The following ABCA3 variants were observed in gnomAD, a reference collection of about 807,000 sequenced individuals.
ABCA3 encodes the protein ATP binding cassette subfamily A member 3, also known as phospholipid-transporting ATPase ABCA3.
Under a neutral mutation model 172.8 loss-of-function variants are expected in ABCA3, and 88 were observed. The observed-to-expected ratio is 0.51, with a 90% CI of 0.43 to 0.61. The LOEUF (loss-of-function observed/expected upper bound fraction) is 0.61, where lower values mean the gene tolerates loss of function less well. ABCA3 is among the 20% of genes least tolerant of loss of function. The pLI, the probability that ABCA3 is intolerant of heterozygous loss-of-function variation, is 0.00. For missense variants in ABCA3, 2,164 were observed against 2,301.0 expected (o/e 0.94, Z 1.22); for synonymous variants, 1,066 against 983.8 (o/e 1.08, Z -1.56).
At chr16:2,308,702 C>A (rs1180314139) in intron 10 of ABCA3, 79 bp from the exon 11 acceptor site, 14 of 1,557,522 alleles carry the variant, frequency 9.0e-6, no homozygotes, top group Non-Finnish European at 9.6e-6. Flanking sequence ...GTACAGGCAA[C>A]CCCCTACTCC....
intron 17 of ABCA3, among the ~76,000 whole-genome samples, chr16:2,296,048 C>A (rs1195553047): frequency 6.6e-6 from 1 of 152,114 alleles, no homozygotes; most frequent in Non-Finnish European, 1.5e-5. Flanking sequence ...TCAGCAGCGA[C>A]GGACCACGTG....
chr16:2,312,827 C>T (rs997121073), intron 10 of ABCA3, among the ~76,000 whole-genome samples: 8 of 151,722 alleles, frequency 5.3e-5, no homozygotes, highest in African/African-American at 1.7e-4. Flanking sequence ...CCACCATGCC[C>T]GGCCGAAATT....
intron 11 of ABCA3, among the ~76,000 whole-genome samples, chr16:2,306,740 A>G (rs1035827251): frequency 2.0e-5 from 3 of 152,094 alleles, no homozygotes; most frequent in Admixed American, 2.0e-4. Flanking sequence ...TAAGAAAAAA[A>G]GTGGGCGGCT....
In ABCA3 at chr16:2,283,203, G is replaced by A. The variant is rs760219290; in HGVS notation, c.4018C>T (p.Arg1340Trp). The change falls in exon 26 of 33, where the codon CGG (arginine) becomes TGG (tryptophan). Residue 1340 changes from arginine to tryptophan, a missense_variant. Coordinates refer to ENST00000301732, the MANE Select transcript of ABCA3 (RefSeq NM_001089.3). This position sits in a 1 kb window ranked among gnomAD's most constrained non-coding sequence, Gnocchi z 5.4. ...QRLRGILCALRRRRTLTELYT... is the reference protein window; with the variant it reads ...QRLRGILCALWRRRTLTELYT... ...CCACTCACCAGTGTCCGCCTCCTCCGGAGGGCGCAGAGGATGCCCCTGAGT... is the reference window on the plus strand; with the variant it reads ...CCACTCACCAGTGTCCGCCTCCTCCAGAGGGCGCAGAGGATGCCCCTGAGT... 16 of 1,613,092 alleles carry A rather than the reference G, an allele frequency of 9.9e-6. No individual in the cohort carries two copies. The highest frequency in any genetic ancestry group is 6.7e-5 in the African/African-American group (5 of 74,902).
chr16:2,281,980 G>C lies in ABCA3; in HGVS notation c.4036-471C>G, dbSNP rs2093655916. On this transcript the variant is annotated intron_variant, in intron 26 of 32. Coordinates refer to ENST00000301732, the MANE Select transcript of ABCA3 (RefSeq NM_001089.3). The surrounding 1 kb of genome is among the most constrained non-coding windows in gnomAD (Gnocchi z 4.7). The stretch of plus-strand genomic sequence containing the variant: ...AATTTTTGTATTTTTAGTAGAGACG[G>C]AGTTTCACTGTGTTGGCCAGGCTGG... Among the ~76,000 whole-genome samples, 1 of 152,136 alleles carries C rather than the reference G, an allele frequency of 6.6e-6. No individual in the cohort carries two copies. The highest frequency in any genetic ancestry group is 2.4e-5 in the African/African-American group (1 of 41,430).
intron 15 of ABCA3, 51 bp downstream of exon 15, chr16:2,298,335 C>T: frequency 6.2e-7 from 1 of 1,611,726 alleles, no homozygotes; most frequent in Admixed American, 1.7e-5. Flanking sequence ...GCCCCAGAAA[C>T]TCGAGCACAT....
At chr16:2,315,157 A>C (rs2093713039) in intron 10 of ABCA3, among the ~76,000 whole-genome samples, 1 of 151,200 alleles carries the variant, frequency 6.6e-6, no homozygotes, top group Admixed American at 6.6e-5. Flanking sequence ...TGCTGGGATT[A>C]CAGGCGTGAG....
At chr16:2,326,295 C>T (rs2093734293) in intron 4 of ABCA3, 21 bp from the exon 5 acceptor site, 3 of 1,611,938 alleles carry the variant, frequency 1.9e-6, no homozygotes, top group Admixed American at 1.7e-5. Flanking sequence ...TACAATAGGG[C>T]ACGGTGATGG....
chr16:2,276,387 G>A lies in ABCA3; in HGVS notation c.*287C>T. 1.8e-6 allele frequency: 1 copy of A among 564,464 alleles called. No homozygotes were observed. The highest frequency in any genetic ancestry group is 2.7e-4 in the Middle Eastern group (1 of 3,678). The allele number at this position is 564,464 out of a possible 1,614,324, so 35.0% of individuals were successfully genotyped here. On this transcript the variant is annotated 3_prime_UTR_variant, in exon 33 of 33. Transcript: ENST00000301732. ...CTCAGCTGCAGCCCTTCCTGGGTCA[G>A]CTCTCCACCCAGAGACCCCGGAGCT...
chr16:2,339,594 G>C (rs1476588277), intron 1 of ABCA3, among the ~76,000 whole-genome samples: 3 of 152,214 alleles, frequency 2.0e-5, no homozygotes, highest in African/African-American at 7.2e-5. Context: ...GGAGAAGAGT[G>C]AACCTCTCCC....
Position 2,286,951 on chromosome 16 carries a change from G to C in ABCA3, c.3021C>G (p.Phe1007Leu). ...CCTCCACAGAAGCCCTGAAGATCAA[G>C]AACTCCTCCAGGTCACCTGGGGAGC... ...PREVLGDLEE[F>L]LIFRASVEGG... The change falls in exon 22 of 33, where the codon TTC (phenylalanine) becomes TTG (leucine). Residue 1007 changes from phenylalanine to leucine, a missense_variant. Transcript: ENST00000301732. The surrounding 1 kb of genome is among the most constrained non-coding windows in gnomAD (Gnocchi z 5.2). 6.2e-7 allele frequency: 1 copy of C among 1,613,542 alleles called. No individual in the cohort carries two copies. Among genetic ancestry groups the C allele is most frequent in the Non-Finnish European group, 8.5e-7 (1 of 1,179,906 alleles).
At chr16:2,308,027 G>C (rs951477957) in intron 11 of ABCA3, among the ~76,000 whole-genome samples, 3 of 152,178 alleles carry the variant, frequency 2.0e-5, no homozygotes, top group African/African-American at 7.2e-5. Flanking sequence ...TCGAAAGTTT[G>C]AGACCAGGCT....
intron 11 of ABCA3, among the ~76,000 whole-genome samples, chr16:2,306,911 A>C (rs2093698590): frequency 1.4e-5 from 2 of 147,776 alleles, no homozygotes; most frequent in Non-Finnish European, 3.0e-5. Flanking sequence ...GCTACTTGGG[A>C]GGCTGAGGCA....
intron 10 of ABCA3, among the ~76,000 whole-genome samples, chr16:2,311,251 C>T (rs972526286): frequency 5.9e-5 from 9 of 152,016 alleles, no homozygotes; most frequent in African/African-American, 2.2e-4. Context: ...GAATTACAGG[C>T]GTGAGCCACC....
chr16:2,309,771 T>C (rs1054379055), intron 10 of ABCA3, among the ~76,000 whole-genome samples: 1 of 152,112 alleles, frequency 6.6e-6, no homozygotes, highest in Non-Finnish European at 1.5e-5. Flanking sequence ...AGGCACGCAG[T>C]ACCATGCCTA....
Position 2,279,829 on chromosome 16 carries a change from C to T in ABCA3, c.4360-699G>A, listed in dbSNP as rs923520531. On this transcript the variant is annotated intron_variant, in intron 28 of 32. Transcript: ENST00000301732. The surrounding 1 kb of genome is among the most constrained non-coding windows in gnomAD (Gnocchi z 4.4). The stretch of plus-strand genomic sequence containing the variant: ...TGGCATGATCTCGGCTCACTACAAC[C>T]TCTGCCTCCCAGGCTCAAGTGATTC... 2.0e-5 allele frequency among the ~76,000 whole-genome samples: 3 copies of T among 151,922 alleles called. No individual in the cohort carries two copies. The highest frequency in any genetic ancestry group is 4.4e-5 in the Non-Finnish European group (3 of 67,984).
chr16:2,333,318 C>T (rs1274841176), intron 1 of ABCA3, among the ~76,000 whole-genome samples: 1 of 152,204 alleles, frequency 6.6e-6, no homozygotes, highest in Non-Finnish European at 1.5e-5. Context: ...GAAATCCACT[C>T]ATGGAAAGAA....
intron 3 of ABCA3, among the ~76,000 whole-genome samples, chr16:2,328,174 A>G (rs1441850855): frequency 6.6e-6 from 1 of 152,172 alleles, no homozygotes; most frequent in East Asian, 1.9e-4. Context: ...CAGAAATGAG[A>G]GCTTAGATCT....
chr16:2,319,891 A>G lies in ABCA3; in HGVS notation c.614-51T>C, dbSNP rs371555880. 1.2e-5 allele frequency: 19 copies of G among 1,608,648 alleles called. No individual in the cohort carries two copies. The African/African-American group carries it at 2.5e-4, about 21-fold the overall frequency. ...CAGCCACCTCGAGGAGCTGCTCTCG[A>G]GGGCAGAGGGCCACGTGCATGGGGT... On this transcript the variant is annotated intron_variant, in intron 7 of 32. Coordinates refer to ENST00000301732, the MANE Select transcript of ABCA3 (RefSeq NM_001089.3).
Sources: allele counts gnomAD v4.1 joint callset (sites outside exome capture counted in the v4.1 genomes callset), GRCh38; gene constraint gnomAD v4.1.1; non-coding constraint Gnocchi (gnomAD v3.1); transcripts MANE v1.5; gene names NCBI Gene and HGNC (gene_info 2026-07-23, HGNC 2026-07-21).